The following PUDP variants were observed in gnomAD, a reference collection of about 807,000 sequenced individuals.
PUDP encodes pseudouridine 5'-phosphatase.
PUDP carries 8 observed loss-of-function variants against 9.4 expected under a neutral mutation model. The ratio of observed to expected loss-of-function variants is 0.85; its 90% CI spans 0.50 to 1.53. PUDP has a LOEUF of 1.53. Ranked by LOEUF, PUDP falls within the 40% of genes most tolerant of loss-of-function variation. The pLI, the probability that PUDP is intolerant of heterozygous loss-of-function variation, is 0.00. For missense variants in PUDP, 188 were observed against 189.7 expected (o/e 0.99, Z 0.05); for synonymous variants, 99 against 80.7 (o/e 1.23, Z -1.22).
intron 1 of PUDP, among the ~76,000 whole-genome samples, chrX:7,135,258 G>A (rs1001549407): frequency 2.7e-5 from 3 of 112,290 alleles, no homozygotes; most frequent in Admixed American, 9.4e-5. Flanking sequence ...CTACTTAGGA[G>A]CATTTTCTGT....
chrX:6,955,219 C>CTT (rs376301949), intron 3 of PUDP, among the ~76,000 whole-genome samples: 1 of 102,664 alleles, frequency 9.7e-6, no homozygotes, highest in African/African-American at 3.5e-5. Flanking sequence ...CTTTTAGTTC[C>CTT]TTTTTTTTTT....
chrX:6,989,988 C>A (rs949320217), intron 1 of PUDP, among the ~76,000 whole-genome samples: 1 of 110,644 alleles, frequency 9.0e-6, no homozygotes, highest in Non-Finnish European at 1.9e-5. Flanking sequence ...ACTTTGGTGT[C>A]TTAGTCCCTT....
chrX:6,900,328 G>GGGA (rs1377727607), intron 3 of PUDP, among the ~76,000 whole-genome samples: 2 of 63,126 alleles, frequency 3.2e-5, no homozygotes, highest in African/African-American at 9.3e-5. Context: ...TCACCACTTG[G>GGGA]GGGGGGGGGC....
intron 3 of PUDP, among the ~76,000 whole-genome samples, chrX:6,756,253 C>T (rs184970186): frequency 7.4e-4 from 82 of 111,411 alleles, no homozygotes; most frequent in Middle Eastern, 4.7e-3. Flanking sequence ...GAAATGAAAA[C>T]GTATCTATAC....
At chrX:6,881,669 C>G (rs1005142765) in intron 3 of PUDP, among the ~76,000 whole-genome samples, 1 of 111,478 alleles carries the variant, frequency 9.0e-6, no homozygotes, top group Admixed American at 9.6e-5. Context: ...TTAACAAGTG[C>G]CTGCTTAAGA....
intron 1 of PUDP, among the ~76,000 whole-genome samples, chrX:6,987,419 C>T (rs1331373329): frequency 8.9e-6 from 1 of 111,946 alleles, no homozygotes; most frequent in Non-Finnish European, 1.9e-5. Flanking sequence ...GCAGTAACTG[C>T]TGAGTGTGTG....
At chrX:6,988,721 C>T (rs774036113) in intron 1 of PUDP, among the ~76,000 whole-genome samples, 13 of 110,614 alleles carry the variant, frequency 1.2e-4, no homozygotes, top group African/African-American at 3.9e-4. Context: ...TTGTGGAGGC[C>T]TGGTGAGTTT....
chrX:6,829,360 C>G (rs1926470887), intron 3 of PUDP, among the ~76,000 whole-genome samples: 1 of 111,899 alleles, frequency 8.9e-6, no homozygotes, highest in Non-Finnish European at 1.9e-5. Flanking sequence ...TAAATTTCAA[C>G]TCCTTTGAAT....
intron 3 of PUDP, among the ~76,000 whole-genome samples, chrX:6,799,721 C>T (rs1190230868): frequency 9.0e-6 from 1 of 111,343 alleles, no homozygotes; most frequent in Non-Finnish European, 1.9e-5. Context: ...CCTGTAATCC[C>T]AGCTACCAGG....
chrX:7,045,196 T>C (rs5978822), downstream of PUDP, among the ~76,000 whole-genome samples: 37,271 of 111,607 alleles, frequency 0.33, 4,736 homozygotes, highest in Middle Eastern at 0.48. Flanking sequence ...TCCTGCTGAC[T>C]GTGAAGAAGG....
chrX:6,776,712 C>T (rs1377765849), intron 3 of PUDP, among the ~76,000 whole-genome samples: 1 of 111,793 alleles, frequency 8.9e-6, no homozygotes, highest in Non-Finnish European at 1.9e-5. Flanking sequence ...TCACTTCACC[C>T]TATATCATAC....
chrX:7,055,626 C>T, intron 3 of PUDP, among the ~76,000 whole-genome samples: 1 of 111,044 alleles, frequency 9.0e-6, no homozygotes, highest in Non-Finnish European at 1.9e-5. Context: ...AATAGGACCA[C>T]ACCTACAAGA....
chrX:6,764,459 G>C (rs1179220476), intron 3 of PUDP, among the ~76,000 whole-genome samples: 1 of 111,702 alleles, frequency 9.0e-6, no homozygotes, highest in Non-Finnish European at 1.9e-5. Context: ...TGTTGGTCCT[G>C]CTTTGTAAGA....
chrX:7,064,112 G>A (rs971763184), intron 3 of PUDP, among the ~76,000 whole-genome samples: 35 of 111,378 alleles, frequency 3.1e-4, no homozygotes, highest in Non-Finnish European at 5.1e-4. Context: ...AAAACAGTAC[G>A]TATTCAACGT....
At chrX:6,964,282 T>C (rs7066595) in intron 3 of PUDP, among the ~76,000 whole-genome samples, 3,894 of 112,304 alleles carry the variant, frequency 0.035, 188 homozygotes, top group African/African-American at 0.12. Context: ...TTCTATATAC[T>C]TTCAGGAGAA....
chrX:7,133,152 T>G (rs1297622821), intron 1 of PUDP, among the ~76,000 whole-genome samples: 4 of 111,788 alleles, frequency 3.6e-5, no homozygotes, highest in African/African-American at 1.3e-4. Flanking sequence ...AGAGCAGATC[T>G]GGCAGAGAAC....
chrX:6,912,583 A>G (rs1229065207), intron 3 of PUDP, among the ~76,000 whole-genome samples: 1 of 111,871 alleles, frequency 8.9e-6, no homozygotes. Flanking sequence ...AGCAAAGCCA[A>G]CTTGAGTTGC....
chrX:7,029,557 A>G (rs1295715382), intron 1 of PUDP, among the ~76,000 whole-genome samples: 2 of 112,448 alleles, frequency 1.8e-5, no homozygotes, highest in African/African-American at 3.2e-5. Context: ...ATTAGTGCCA[A>G]TTTCAATCTC....
chrX:6,986,089 T>C (rs1267180501), intron 1 of PUDP, among the ~76,000 whole-genome samples: 1 of 111,691 alleles, frequency 9.0e-6, no homozygotes, highest in Non-Finnish European at 1.9e-5. Context: ...TAGGAAGTTA[T>C]GCTATACGGT....
Sources: allele counts gnomAD v4.1 joint callset (sites outside exome capture counted in the v4.1 genomes callset), GRCh38; gene constraint gnomAD v4.1.1; transcripts MANE v1.5; gene names NCBI Gene and HGNC (gene_info 2026-07-23, HGNC 2026-07-21).